The following ANKS1B variants were observed in gnomAD, a reference collection of about 807,000 sequenced individuals.
The protein encoded by ANKS1B is ankyrin repeat and sterile alpha motif domain containing 1B, also known as ankyrin repeat and sterile alpha motif domain-containing protein 1B.
ANKS1B carries 36 observed loss-of-function variants against 148.3 expected under a neutral mutation model. The observed-to-expected ratio is 0.24, with a 90% CI of 0.19 to 0.32. The LOEUF (loss-of-function observed/expected upper bound fraction) is 0.32. ANKS1B is among the 10% of genes least tolerant of loss of function. The pLI, the probability that ANKS1B is intolerant of heterozygous loss-of-function variation, is 1.00. For synonymous variants in ANKS1B, 542 were observed against 560.8 expected (o/e 0.97, Z 0.47); for missense variants, 1,157 against 1,542.6 (o/e 0.75, Z 4.19).
chr12:99,667,384 C>T (rs1325652787), intron 8 of ANKS1B, among the ~76,000 whole-genome samples: 2 of 125,906 alleles, frequency 1.6e-5, no homozygotes, highest in East Asian at 3.8e-4. Context: ...AAAAGAAAAC[C>T]CTGAATTTTC....
intron 15 of ANKS1B, among the ~76,000 whole-genome samples, chr12:99,125,075 CAG>C (rs1463569062): frequency 1.3e-5 from 2 of 151,996 alleles, no homozygotes; most frequent in African/African-American, 4.8e-5. Context: ...GTAGGGTAAA[CAG>C]AATTTTAAAA....
intron 3 of ANKS1B, among the ~76,000 whole-genome samples, chr12:99,809,922 T>TA (rs1176827508): frequency 1.3e-5 from 2 of 152,078 alleles, no homozygotes; most frequent in Non-Finnish European, 2.9e-5. Context: ...GCTGTGATGT[T>TA]ACGGTCAATC....
At chr12:99,219,533 T>C (rs546679092) in intron 14 of ANKS1B, among the ~76,000 whole-genome samples, 7 of 152,332 alleles carry the variant, frequency 4.6e-5, no homozygotes, top group Admixed American at 1.3e-4. Flanking sequence ...TTAGTCATTA[T>C]AGAGAAGTTA....
chr12:99,154,613 C>A, intron 14 of ANKS1B: 1 of 1,456,754 alleles, frequency 6.9e-7, no homozygotes. Context: ...ATGACTTGAT[C>A]CTAGCTCCAC....
chr12:99,478,124 T>C (rs951365260), intron 10 of ANKS1B, among the ~76,000 whole-genome samples: 2 of 152,088 alleles, frequency 1.3e-5, no homozygotes, highest in African/African-American at 2.4e-5. Context: ...AAAGTACAAA[T>C]AGTTCCATTT....
intron 12 of ANKS1B, among the ~76,000 whole-genome samples, chr12:99,378,088 T>C (rs1325459898): frequency 6.6e-6 from 1 of 152,182 alleles, no homozygotes; most frequent in Non-Finnish European, 1.5e-5. Context: ...TTCAAAAAGA[T>C]CTAAGGCTAT....
chr12:99,386,183 G>C (rs898834522), intron 12 of ANKS1B: 1 of 152,204 alleles, frequency 6.6e-6, no homozygotes, highest in Non-Finnish European at 1.5e-5. Flanking sequence ...TTGATTCTTT[G>C]TAGCATATGT....
At chr12:99,897,694 A>T (rs1333361490) in intron 1 of ANKS1B, among the ~76,000 whole-genome samples, 1 of 151,078 alleles carries the variant, frequency 6.6e-6, no homozygotes, top group African/African-American at 2.4e-5. Flanking sequence ...TATCTACCAT[A>T]CTAGTGCTTA....
At chr12:98,973,549 T>C (rs1322461923) in intron 17 of ANKS1B, among the ~76,000 whole-genome samples, 1 of 152,142 alleles carries the variant, frequency 6.6e-6, no homozygotes, top group East Asian at 1.9e-4. Flanking sequence ...TCCTTCTGAG[T>C]TGTGTGATGA....
At chr12:98,909,213 T>C (rs1003009931) in intron 17 of ANKS1B, among the ~76,000 whole-genome samples, 4 of 152,160 alleles carry the variant, frequency 2.6e-5, no homozygotes, top group African/African-American at 7.2e-5. Context: ...TTCTGTTTGG[T>C]TTCTATTCTT....
At chr12:99,894,285 A>G (rs1165850013) in intron 1 of ANKS1B, among the ~76,000 whole-genome samples, 19 of 56,864 alleles carry the variant, frequency 3.3e-4, no homozygotes, top group African/African-American at 9.2e-4. Context: ...GGAAGGAAGG[A>G]AGGAAGGGAG....
At chr12:99,515,796 C>A (rs1254111871) in intron 9 of ANKS1B, among the ~76,000 whole-genome samples, 1 of 152,118 alleles carries the variant, frequency 6.6e-6, no homozygotes, top group Non-Finnish European at 1.5e-5. Context: ...TACCATGGTT[C>A]CCTTTTCTCC....
At chr12:99,334,915 T>C (rs1253791098) in intron 12 of ANKS1B, among the ~76,000 whole-genome samples, 1 of 152,078 alleles carries the variant, frequency 6.6e-6, no homozygotes, top group Non-Finnish European at 1.5e-5. Context: ...ACCTCAATTC[T>C]TTGCCAGCCA....
chr12:98,804,419 A>AT (rs34963949), intron 20 of ANKS1B, among the ~76,000 whole-genome samples: 68,649 of 145,120 alleles, frequency 0.47, 17,513 homozygotes, highest in East Asian at 0.86. Context: ...ACCCCTGCCT[A>AT]TTTTTTTTTT....
At chr12:99,367,184 C>T (rs923250814) in intron 12 of ANKS1B, among the ~76,000 whole-genome samples, 2 of 152,030 alleles carry the variant, frequency 1.3e-5, no homozygotes, top group African/African-American at 4.8e-5. Context: ...GACCACTAGT[C>T]TGTTCTAATA....
chr12:99,286,994 G>A (rs2079214405), intron 12 of ANKS1B, among the ~76,000 whole-genome samples: 1 of 152,102 alleles, frequency 6.6e-6, no homozygotes, highest in Admixed American at 6.5e-5. Context: ...TGAAGGGAAG[G>A]GCATAAACCT....
intron 1 of ANKS1B, among the ~76,000 whole-genome samples, chr12:99,930,097 C>A (rs2094575214): frequency 6.6e-6 from 1 of 151,754 alleles, no homozygotes; most frequent in Non-Finnish European, 1.5e-5. Context: ...GCCGTATGGC[C>A]ATTTTCACAA....
chr12:99,543,532 T>G (rs1243707975), intron 9 of ANKS1B, among the ~76,000 whole-genome samples: 2 of 152,140 alleles, frequency 1.3e-5, no homozygotes, highest in African/African-American at 4.8e-5. Context: ...TAAATGCTCA[T>G]AGCAGCATTG....
intron 9 of ANKS1B, among the ~76,000 whole-genome samples, chr12:99,589,358 T>C (rs2097676989): frequency 6.6e-6 from 1 of 152,188 alleles, no homozygotes; most frequent in Admixed American, 6.6e-5. Flanking sequence ...CCTATTTTTA[T>C]AAACTAAAAT....
Sources: allele counts gnomAD v4.1 joint callset (sites outside exome capture counted in the v4.1 genomes callset), GRCh38; gene constraint gnomAD v4.1.1; transcripts MANE v1.5; gene names NCBI Gene and HGNC (gene_info 2026-07-23, HGNC 2026-07-21).